The following COL24A1 variants were observed in gnomAD, a reference collection of about 807,000 sequenced individuals.
The protein encoded by COL24A1 is collagen alpha-1(XXIV) chain.
Under a neutral mutation model 253.9 loss-of-function variants are expected in COL24A1, and 224 were observed. That is an observed-to-expected ratio of 0.88 (90% CI 0.79 to 0.99). The LOEUF is 0.99. Among genes scored for constraint, COL24A1 ranks in the 50% least tolerant of loss-of-function variants. The pLI, the probability that COL24A1 is intolerant of heterozygous loss-of-function variation, is 0.00. For synonymous variants in COL24A1, 685 were observed against 673.7 expected (o/e 1.02, Z -0.26); for missense variants, 2,131 against 2,068.5 (o/e 1.03, Z -0.59).
chr1:86,121,069 C>T (rs1340194702), intron 3 of COL24A1, among the ~76,000 whole-genome samples: 1 of 152,082 alleles, frequency 6.6e-6, no homozygotes, highest in Non-Finnish European at 1.5e-5. Flanking sequence ...CATTTTCTCA[C>T]TCATAGGTGG....
At chr1:85,988,897 C>T (rs557062437) in intron 19 of COL24A1, among the ~76,000 whole-genome samples, 8 of 152,166 alleles carry the variant, frequency 5.3e-5, no homozygotes, top group African/African-American at 1.9e-4. Context: ...AAAGAAAAAG[C>T]AGTGGCAACA....
At chr1:85,884,803 C>T (rs1682278774) in intron 32 of COL24A1, among the ~76,000 whole-genome samples, 1 of 152,116 alleles carries the variant, frequency 6.6e-6, no homozygotes, top group South Asian at 2.1e-4. Flanking sequence ...TTTCAAAATG[C>T]TTACTATCCC....
intron 23 of COL24A1, among the ~76,000 whole-genome samples, chr1:85,961,874 A>G (rs1204837754): frequency 6.6e-6 from 1 of 152,172 alleles, no homozygotes; most frequent in Non-Finnish European, 1.5e-5. Flanking sequence ...CAAGGCGGAA[A>G]TAAGCCCCAA....
rs1212771896 is a variant in COL24A1 at position 86,124,885 on chromosome 1, A to G, written c.1451T>C (p.Met484Thr). 3.8e-6 allele frequency: 6 copies of G among 1,599,066 alleles called. No homozygotes were observed. The highest frequency in any genetic ancestry group is 5.1e-6 in the Non-Finnish European group (6 of 1,175,190). The stretch of plus-strand genomic sequence containing the variant: ...TCCTTTTGGCCCTCTCAGATACTCC[A>G]TTTCAAGCATTGTATTTAGATCCTC... ...YYEDLNTMLE[M>T]EYLRGPKGDT... Residue 484 changes from methionine (M) to threonine (T), a missense_variant, in exon 3 of 60, where the codon ATG (methionine) becomes ACG (threonine). Transcript: ENST00000370571.
At chr1:86,137,048 G>C (rs1650365741) in intron 2 of COL24A1, among the ~76,000 whole-genome samples, 1 of 152,062 alleles carries the variant, frequency 6.6e-6, no homozygotes, top group African/African-American at 2.4e-5. Context: ...TCAGAGGTCA[G>C]ACTCTTTAAC....
intron 37 of COL24A1, 58 bp from the exon 38 acceptor site, chr1:85,849,464 A>T (rs1018059942): frequency 8.1e-7 from 1 of 1,239,930 alleles, no homozygotes; most frequent in Admixed American, 1.8e-5. Flanking sequence ...GAGATGGAGT[A>T]TTTGAATACT....
rs765809982 is a variant in COL24A1, at chr1:86,059,180, A to G, written c.1753-6T>C. 6.2e-7 allele frequency: 1 copy of G among 1,608,434 alleles called. No individual in the cohort carries two copies. The highest frequency in any genetic ancestry group is 2.2e-5 in the East Asian group (1 of 44,680). On this transcript the variant is annotated splice_region_variant and splice_polypyrimidine_tract_variant and intron_variant, in intron 8 of 59. Transcript: ENST00000370571. ...CCAGCAAATCCTGGAATTCCCTGAA[A>G]TAATAAATAAAATGAACAGTATAGC...
At chr1:86,025,219 T>C (rs1697912119) in intron 14 of COL24A1, among the ~76,000 whole-genome samples, 1 of 152,116 alleles carries the variant, frequency 6.6e-6, no homozygotes, top group Non-Finnish European at 1.5e-5. Flanking sequence ...AACTACCAAC[T>C]CATCTTCCAT....
chr1:86,073,403 C>T (rs1180440241), intron 7 of COL24A1, among the ~76,000 whole-genome samples: 1 of 151,852 alleles, frequency 6.6e-6, no homozygotes, highest in Non-Finnish European at 1.5e-5. Flanking sequence ...TGAAATAAAG[C>T]GTGAAGACAA....
chr1:85,793,514 G>C (rs947698193), intron 47 of COL24A1, among the ~76,000 whole-genome samples: 1 of 152,108 alleles, frequency 6.6e-6, no homozygotes, highest in Non-Finnish European at 1.5e-5. Flanking sequence ...GAGCGAGAGC[G>C]AGAGATCCAT....
intron 2 of COL24A1, among the ~76,000 whole-genome samples, chr1:86,144,414 T>C (rs2102407261): frequency 6.6e-6 from 1 of 152,248 alleles, no homozygotes; most frequent in South Asian, 2.1e-4. Flanking sequence ...GGCTGGCAAC[T>C]GTGAAGCTAG....
intron 11 of COL24A1, among the ~76,000 whole-genome samples, chr1:86,049,093 C>T (rs961763602): frequency 6.6e-6 from 1 of 152,152 alleles, no homozygotes; most frequent in African/African-American, 2.4e-5. Context: ...CGTTAGTTTG[C>T]TGTAGTACAT....
At chr1:86,095,921 G>T (rs1703862262) in intron 5 of COL24A1, among the ~76,000 whole-genome samples, 1 of 151,986 alleles carries the variant, frequency 6.6e-6, no homozygotes, top group South Asian at 2.1e-4. Context: ...GAGGGCCCTC[G>T]GTCTAGGGAG....
chr1:86,001,233 T>A (rs1324531918), intron 19 of COL24A1, among the ~76,000 whole-genome samples: 2 of 152,246 alleles, frequency 1.3e-5, no homozygotes, highest in African/African-American at 4.8e-5. Flanking sequence ...TGAAGTGGTT[T>A]GAAGTCACAT....
At chr1:85,903,283 G>T (rs1225727902) in intron 28 of COL24A1, among the ~76,000 whole-genome samples, 2 of 152,136 alleles carry the variant, frequency 1.3e-5, no homozygotes, top group African/African-American at 4.8e-5. Context: ...GCTGGCAGAA[G>T]AACTCTAGGA....
At chr1:86,107,469 C>T (rs1222308312) in intron 5 of COL24A1, among the ~76,000 whole-genome samples, 2 of 152,202 alleles carry the variant, frequency 1.3e-5, no homozygotes, top group Middle Eastern at 3.4e-3. Flanking sequence ...CAAAATCAAA[C>T]ACTACAAGCT....
Position 85,868,801 on chromosome 1 carries a change from T to C in COL24A1, c.3173A>G (p.Gln1058Arg), listed in dbSNP as rs758146342. ...ATTTACCTTTAACCCATCTTTTCCC[T>C]GGAGACCTTCTTCTCCAGGAGCTCC... The part of the protein sequence containing the change: ...EPGAPGEEGL[Q>R]GKDGLKGVPG... The change falls in exon 36 of 60, where the codon CAG becomes CGG. Residue 1058 changes from glutamine to arginine, a missense_variant. Coordinates refer to ENST00000370571, the MANE Select transcript of COL24A1 (RefSeq NM_152890.7). 36 of 1,588,806 alleles carry C rather than the reference T, an allele frequency of 2.3e-5. No individual in the cohort carries two copies. Among genetic ancestry groups the C allele is most frequent in the Non-Finnish European group, 3.0e-5 (35 of 1,168,456 alleles).
intron 43 of COL24A1, among the ~76,000 whole-genome samples, chr1:85,827,141 G>C (rs1674468965): frequency 6.6e-6 from 1 of 152,236 alleles, no homozygotes; most frequent in African/African-American, 2.4e-5. Flanking sequence ...ATGAAGGGCT[G>C]TTGAATTTTG....
chr1:85,734,987 C>T, intron 58 of COL24A1, 23 bp from the exon 59 acceptor site: 1 of 1,603,926 alleles, frequency 6.2e-7, no homozygotes, highest in Non-Finnish European at 8.5e-7. Context: ...AAATGATATG[C>T]AGGTTATAAC....
Sources: gnomAD v4.1 joint callset for allele counts (sites outside exome capture counted in the v4.1 genomes callset) on GRCh38, gnomAD v4.1.1 for gene constraint, MANE v1.5 for transcripts, NCBI Gene and HGNC (gene_info 2026-07-23, HGNC 2026-07-21) for gene names.